The following MPHOSPH9 variants were observed in gnomAD, a reference collection of about 807,000 sequenced individuals.
The protein encoded by MPHOSPH9 is M-phase phosphoprotein 9.
MPHOSPH9 carries 88 observed loss-of-function variants against 145.5 expected under a neutral mutation model. The ratio of observed to expected loss-of-function variants is 0.60; its 90% confidence interval spans 0.51 to 0.72. MPHOSPH9 has a LOEUF of 0.72. MPHOSPH9 is among the 30% of genes least tolerant of loss of function. The pLI is 0.00. For synonymous variants in MPHOSPH9, 435 were observed against 486.2 expected (o/e 0.89, Z 1.39); for missense variants, 1,238 against 1,386.6 (o/e 0.89, Z 1.70).
At chr12:123,205,722 T>C (rs1448883838) in intron 8 of MPHOSPH9, among the ~76,000 whole-genome samples, 1 of 152,154 alleles carries the variant, frequency 6.6e-6, no homozygotes, top group Non-Finnish European at 1.5e-5. Flanking sequence ...TCAAAGCTCA[T>C]GGGAATAGAA....
intron 8 of MPHOSPH9, among the ~76,000 whole-genome samples, chr12:123,209,412 T>C (rs2046596692): frequency 6.6e-6 from 1 of 152,046 alleles, no homozygotes; most frequent in African/African-American, 2.4e-5. Context: ...ACACACAGTT[T>C]TTTTTTTCTT....
At chr12:123,191,229 G>C (rs534486620) in intron 13 of MPHOSPH9, among the ~76,000 whole-genome samples, 1 of 152,118 alleles carries the variant, frequency 6.6e-6, no homozygotes, top group African/African-American at 2.4e-5. Context: ...GCTGAGGCAG[G>C]AGAATCACTT....
intron 13 of MPHOSPH9, among the ~76,000 whole-genome samples, chr12:123,188,929 A>G (rs1016669301): frequency 1.3e-5 from 2 of 152,182 alleles, no homozygotes; most frequent in East Asian, 3.8e-4. Context: ...CTAGCTACTC[A>G]GAGGGCTGAG....
At chr12:123,196,842 A>G (rs2045969025) in intron 12 of MPHOSPH9, among the ~76,000 whole-genome samples, 1 of 152,164 alleles carries the variant, frequency 6.6e-6, no homozygotes, top group Non-Finnish European at 1.5e-5. Flanking sequence ...GAATACTGAT[A>G]TGTTACAACA....
chr12:123,199,473 T>C (rs2046119127), intron 11 of MPHOSPH9, among the ~76,000 whole-genome samples: 1 of 152,150 alleles, frequency 6.6e-6, no homozygotes, highest in African/African-American at 2.4e-5. Context: ...CTCACAATTC[T>C]GTCCATTAAG....
chr12:123,215,592 C>T (rs2046919840), intron 6 of MPHOSPH9, among the ~76,000 whole-genome samples: 2 of 152,140 alleles, frequency 1.3e-5, no homozygotes, highest in Non-Finnish European at 2.9e-5. Flanking sequence ...AAGTAGTAGA[C>T]TACTTCCTAT....
Position 123,194,559 on chromosome 12 carries a change from T to C in MPHOSPH9, c.2068A>G (p.Lys690Glu). The C allele has an allele frequency of 6.2e-7, 1 of 1,612,782 alleles. No homozygotes were observed. Among genetic ancestry groups the C allele is most frequent in the East Asian group, 2.2e-5 (1 of 44,878 alleles). Residue 690 changes from lysine (K) to glutamate (E), a missense_variant, in exon 13 of 24, where the codon AAA becomes GAA. Transcript: ENST00000606320. ...ERFSAASSAS[K>E]ILQERIEEMR... ...TCTTCAATTCGTTCCTGCAAAATTT[T>C]GGAAGCACTGCTGGCTGCACTGAAG...
chr12:123,187,115 G>C (rs979100088), intron 13 of MPHOSPH9, among the ~76,000 whole-genome samples: 1 of 152,036 alleles, frequency 6.6e-6, no homozygotes, highest in African/African-American at 2.4e-5. Flanking sequence ...CAAAAAACTA[G>C]CCGGGTGTTG....
intron 16 of MPHOSPH9, among the ~76,000 whole-genome samples, chr12:123,168,646 A>C (rs1351541544): frequency 1.3e-5 from 2 of 152,026 alleles, no homozygotes; most frequent in Non-Finnish European, 2.9e-5. Flanking sequence ...CCGGCCGGCA[A>C]CATGACTTTC....
At chr12:123,186,322 G>A (rs2045445088) in intron 13 of MPHOSPH9, among the ~76,000 whole-genome samples, 1 of 151,326 alleles carries the variant, frequency 6.6e-6, no homozygotes, top group Non-Finnish European at 1.5e-5. Context: ...AATTATCATA[G>A]TGTCTAATTT....
At chr12:123,181,750 T>G (rs10846477) in intron 13 of MPHOSPH9, among the ~76,000 whole-genome samples, 6,657 of 151,452 alleles carry the variant, frequency 0.044, 180 homozygotes, top group South Asian at 0.12. Flanking sequence ...TAGCTGAACA[T>G]GGGGATATAT....
intron 16 of MPHOSPH9, among the ~76,000 whole-genome samples, chr12:123,175,277 A>G (rs1317759163): frequency 6.6e-6 from 1 of 151,906 alleles, no homozygotes; most frequent in Admixed American, 6.6e-5. Flanking sequence ...CAGCCTCCGG[A>G]GTAGCTGGGA....
In MPHOSPH9 at chr12:123,159,267, G is replaced by A. The variant is rs1184436387; in HGVS notation, c.3450+1514C>T. Among the ~76,000 whole-genome samples, 2 of 151,730 alleles carry A rather than the reference G, an allele frequency of 1.3e-5. No individual in the cohort carries two copies. The highest frequency in any genetic ancestry group is 2.0e-4 in the East Asian group (1 of 5,128). ...CAACCTCCACCACCCAGGTTCAAGC[G>A]ATTCTCATGCCTCAGCCTCCCGAGT... On this transcript the variant is annotated intron_variant, in intron 23 of 23. Coordinates refer to ENST00000606320, the MANE Select transcript of MPHOSPH9 (RefSeq NM_022782.4). The surrounding 1 kb of genome is among the most constrained non-coding windows in gnomAD (Gnocchi z 4.3).
chr12:123,241,815 C>CT (rs879651919), intron 1 of MPHOSPH9, among the ~76,000 whole-genome samples: 2 of 152,126 alleles, frequency 1.3e-5, no homozygotes, highest in Non-Finnish European at 2.9e-5. Flanking sequence ...TGCAGATAGT[C>CT]TGTCTTGGTT....
At chr12:123,163,492 G>T in intron 19 of MPHOSPH9, 1 of 202,240 alleles carries the variant, frequency 4.9e-6, no homozygotes, top group Non-Finnish European at 9.8e-6. Flanking sequence ...ATTCAGGACA[G>T]GAATTCAATG....
chr12:123,220,924 G>A (rs1297555563), intron 5 of MPHOSPH9, among the ~76,000 whole-genome samples: 2 of 151,964 alleles, frequency 1.3e-5, no homozygotes, highest in African/African-American at 4.8e-5. Context: ...GCGTGGTGGC[G>A]GGTGCCTGTA....
Position 123,219,478 on chromosome 12 carries a change from G to A in MPHOSPH9, c.873-979C>T, listed in dbSNP as rs1263341206. On this transcript the variant is annotated intron_variant, in intron 5 of 23. Transcript: ENST00000606320. ...TGAGGCAGGAGAATGGCGTGAACCC[G>A]GGAGGCAGAGCTTGCAGTGAGCCGA... Among the ~76,000 whole-genome samples, 6 of 150,114 alleles carry A rather than the reference G, an allele frequency of 4.0e-5. 1 individual carries two copies. The South Asian group carries it at 8.5e-4, about 21-fold the overall frequency.
intron 13 of MPHOSPH9, among the ~76,000 whole-genome samples, chr12:123,182,262 T>G (rs200739701): frequency 1.5e-3 from 162 of 110,374 alleles, no homozygotes; most frequent in Non-Finnish European, 2.6e-3. Context: ...TTTTTTTTTG[T>G]TTTTTTTTTT....
At chr12:123,226,382 A>G in intron 3 of MPHOSPH9, 2 of 1,027,690 alleles carry the variant, frequency 1.9e-6, no homozygotes, top group Non-Finnish European at 2.5e-6. Flanking sequence ...TGCTTCTAAA[A>G]GTACAATTAA....
Sources: allele counts gnomAD v4.1 joint callset (sites outside exome capture counted in the v4.1 genomes callset), GRCh38; gene constraint gnomAD v4.1.1; non-coding constraint Gnocchi (gnomAD v3.1); transcripts MANE v1.5; gene names NCBI Gene and HGNC (gene_info 2026-07-23, HGNC 2026-07-21).